PAAF1: variants seen among roughly 807,000 people sequenced by gnomAD.
PAAF1 encodes proteasomal ATPase-associated factor 1.
A neutral mutation model predicts 52.8 loss-of-function variants in PAAF1; 46 were observed. The observed-to-expected ratio is 0.87, with a 90% CI of 0.69 to 1.11. The LOEUF (loss-of-function observed/expected upper bound fraction) is 1.11, where lower values mean the gene tolerates loss of function less well. PAAF1 is among the 50% of genes most tolerant of loss of function. The pLI, the probability that PAAF1 is intolerant of heterozygous loss-of-function variation, is 0.00. For missense variants in PAAF1, 424 were observed against 477.4 expected, an observed-to-expected ratio of 0.89 and a Z score of 1.04; for synonymous variants, 178 against 172.8, an observed-to-expected ratio of 1.03 and a Z score of -0.24.
At chr11:73,915,126 T>G (rs187543740) in intron 8 of PAAF1, among the ~76,000 whole-genome samples, 26 of 152,334 alleles carry the variant, frequency 1.7e-4, no homozygotes, top group Admixed American at 1.4e-3. Context: ...TGAGCCTGCT[T>G]CCTCATCACT....
chr11:73,877,524 C>G (rs1056672497), intron 1 of PAAF1, among the ~76,000 whole-genome samples: 1 of 152,152 alleles, frequency 6.6e-6, no homozygotes, highest in South Asian at 2.1e-4. Context: ...GTCCAGGCCC[C>G]ATACTGGATG....
At chr11:73,886,672 C>CAAAAAAAA (rs55697916) in intron 2 of PAAF1, among the ~76,000 whole-genome samples, 4 of 34,282 alleles carry the variant, frequency 1.2e-4, no homozygotes, top group African/African-American at 2.9e-4. Context: ...GACTCCATCT[C>CAAAAAAAA]AAAAAAAAAA....
At chr11:73,888,818 G>GT in intron 3 of PAAF1, 1 of 366,248 alleles carries the variant, frequency 2.7e-6, no homozygotes, top group Non-Finnish European at 4.9e-6. Flanking sequence ...AAATAACTTA[G>GT]TTCTCTGAGT....
At position 73,929,915 on chromosome 11, in the gene PAAF1, G is replaced by T. The variant is rs1242031442; in HGVS notation, c.*2553G>T. 6.6e-6 allele frequency: 1 copy of T among 152,322 alleles called. No individual in the cohort carries two copies. Among genetic ancestry groups the T allele is most frequent in the Non-Finnish European group, 1.5e-5 (1 of 68,146 alleles). 9.4% of individuals were successfully genotyped at this position (152,322 alleles called of 1,614,324 possible). On this transcript the variant is annotated 3_prime_UTR_variant, in exon 12 of 12. Coordinates refer to ENST00000310571, the MANE Select transcript of PAAF1 (RefSeq NM_025155.3). The stretch of plus-strand genomic sequence containing the variant: ...CTACTAAAAATACAGAATTAGCCGG[G>T]CATGATGGCGCATGTCTGTAATCCC...
At chr11:73,901,136 A>T (rs1650064645) in intron 6 of PAAF1, among the ~76,000 whole-genome samples, 1 of 151,988 alleles carries the variant, frequency 6.6e-6, no homozygotes, top group African/African-American at 2.4e-5. Flanking sequence ...TTCTCATATT[A>T]GTCTTTTTGG....
At chr11:73,889,597 G>A (rs1358274466) in intron 3 of PAAF1, among the ~76,000 whole-genome samples, 1 of 152,216 alleles carries the variant, frequency 6.6e-6, no homozygotes, top group Non-Finnish European at 1.5e-5. Flanking sequence ...TAGGAGAAAA[G>A]TACTGATTAT....
chr11:73,880,282 A>G (rs1438066496), intron 2 of PAAF1: 1 of 152,048 alleles, frequency 6.6e-6, no homozygotes, highest in Non-Finnish European at 1.5e-5. Context: ...AGAAACACAC[A>G]CACAAATACA....
At chr11:73,881,218 C>T (rs1948897913) in intron 2 of PAAF1, among the ~76,000 whole-genome samples, 1 of 152,088 alleles carries the variant, frequency 6.6e-6, no homozygotes, top group Non-Finnish European at 1.5e-5. Flanking sequence ...AAGAGCAAAA[C>T]ATCAACTGGG....
intron 10 of PAAF1, 26 bp from the exon 11 acceptor site, chr11:73,924,589 A>G (rs780342463): frequency 1.3e-6 from 2 of 1,581,264 alleles, no homozygotes; most frequent in African/African-American, 2.7e-5. Flanking sequence ...TCTCTTAGTT[A>G]TATGAATTTT....
In PAAF1 at chr11:73,878,774, C is replaced by G. The variant is rs540852483; in HGVS notation, c.48-5C>G. 6 of 1,613,128 alleles carry G rather than the reference C, an allele frequency of 3.7e-6. No homozygotes were observed. In the Admixed American group the frequency reaches 1.0e-4, roughly 27 times the overall value. The stretch of plus-strand genomic sequence containing the variant: ...GCCTAATTAGGCTTTTGTCTTTCTT[C>G]GTAGGAAGGATGAAGGGGAGGCCTG... On this transcript the variant is annotated splice_polypyrimidine_tract_variant and splice_region_variant and intron_variant, in intron 1 of 11. Transcript: ENST00000310571.
intron 5 of PAAF1, 39 bp from the exon 6 acceptor site, chr11:73,900,231 A>T (rs1481745163): frequency 6.4e-7 from 1 of 1,557,576 alleles, no homozygotes. Context: ...CAAGGGATGG[A>T]CAAGAGAACT....
At chr11:73,917,197 A>G (rs898143589) in intron 9 of PAAF1, among the ~76,000 whole-genome samples, 4 of 151,672 alleles carry the variant, frequency 2.6e-5, no homozygotes, top group African/African-American at 9.7e-5. Context: ...ATTTTTGTAT[A>G]TTTAGTAGAG....
chr11:73,913,573 C>G (rs1029745133), intron 7 of PAAF1, among the ~76,000 whole-genome samples: 4 of 151,580 alleles, frequency 2.6e-5, no homozygotes, highest in African/African-American at 4.8e-5. Flanking sequence ...TGAAAGTATC[C>G]TACTTGTTTA....
At chr11:73,913,157 G>A (rs934000270) in intron 7 of PAAF1, among the ~76,000 whole-genome samples, 3 of 152,292 alleles carry the variant, frequency 2.0e-5, no homozygotes, top group Admixed American at 6.5e-5. Context: ...GATTACAGGC[G>A]TGAGCCACCG....
intron 4 of PAAF1, among the ~76,000 whole-genome samples, chr11:73,896,510 A>G (rs1039207080): frequency 6.6e-6 from 1 of 150,892 alleles, no homozygotes; most frequent in Non-Finnish European, 1.5e-5. Flanking sequence ...CTTAAGGAGC[A>G]TGCTGCCTTC....
upstream of PAAF1, chr11:73,876,861 C>A (rs1050175193): frequency 4.0e-5 from 28 of 699,004 alleles, 1 homozygote; most frequent in Admixed American, 1.2e-4. Context: ...ACCAGCCCCT[C>A]GTGGGGAGCG....
intron 1 of PAAF1, 36 bp from the exon 2 acceptor site, chr11:73,878,743 G>T (rs1948814317): frequency 1.9e-6 from 3 of 1,603,716 alleles, no homozygotes; most frequent in South Asian, 1.1e-5. Flanking sequence ...ATTCAACTTT[G>T]GGTAAGCCTA....
intron 5 of PAAF1, 79 bp downstream of exon 5, chr11:73,899,323 G>A: frequency 3.1e-6 from 3 of 955,262 alleles, no homozygotes; most frequent in South Asian, 2.8e-5. Flanking sequence ...ATGGAAGGAA[G>A]AATGGCCCAT....
intron 6 of PAAF1, among the ~76,000 whole-genome samples, chr11:73,903,576 G>T (rs1949681916): frequency 6.6e-6 from 1 of 151,578 alleles, no homozygotes; most frequent in African/African-American, 2.4e-5. Flanking sequence ...AATGAGCTGG[G>T]TGTGGTGGCT....
Sources: gnomAD v4.1 joint callset for allele counts (sites outside exome capture counted in the v4.1 genomes callset) on GRCh38, gnomAD v4.1.1 for gene constraint, MANE v1.5 for transcripts, NCBI Gene and HGNC (gene_info 2026-07-23, HGNC 2026-07-21) for gene names.